IRS1: variants seen among roughly 807,000 people sequenced by gnomAD.
IRS1 encodes insulin receptor substrate 1.
IRS1 carries 34 observed loss-of-function variants against 65.6 expected under a neutral mutation model. That is an observed-to-expected ratio of 0.52 (90% CI 0.39 to 0.69). The LOEUF (loss-of-function observed/expected upper bound fraction) is 0.69, where lower values mean the gene tolerates loss of function less well. Ranked by LOEUF, IRS1 falls within the 30% of genes least tolerant of loss-of-function variation. The pLI is 0.00. For missense variants in IRS1, 1,641 were observed against 1,720.2 expected, an observed-to-expected ratio of 0.95 and a Z score of 0.81; for synonymous variants, 699 against 683.5, an observed-to-expected ratio of 1.02 and a Z score of -0.35.
Position 226,798,244 on chromosome 2 carries a change from T to C in IRS1, c.495A>G (p.Gln165=), listed in dbSNP as rs776753140. ...CCAGGCCCTTGGGCTTCAGGATCACTTGCCAGACCTCTTTGAATGCGGGTC... is the reference window on the plus strand; with the variant it reads ...CCAGGCCCTTGGGCTTCAGGATCACCTGCCAGACCTCTTTGAATGCGGGTC... ...PPGPAFKEVW[Q]VILKPKGLGQ... is the part of the protein sequence containing the mutation. The change falls in exon 1 of 2, where the codon CAA becomes CAG. Residue 165 remains glutamine (Q), a synonymous_variant. Coordinates refer to ENST00000305123, the MANE Select transcript of IRS1 (RefSeq NM_005544.3). The surrounding 1 kb of genome is among the most constrained non-coding windows in gnomAD (Gnocchi z 9.4). The C allele has an allele frequency of 6.2e-7, 1 of 1,613,626 alleles. No individual in the cohort carries two copies. The highest frequency in any genetic ancestry group is 2.2e-5 in the East Asian group (1 of 44,872).
chr2:226,760,647 G>A (rs1260458899), intron 1 of IRS1, among the ~76,000 whole-genome samples: 3 of 152,104 alleles, frequency 2.0e-5, no homozygotes, highest in Non-Finnish European at 4.4e-5. Flanking sequence ...ATGAACAAGT[G>A]CACAGCTGGT....
chr2:226,790,864 A>G (rs1408821504), intron 1 of IRS1, among the ~76,000 whole-genome samples: 1 of 152,188 alleles, frequency 6.6e-6, no homozygotes, highest in Non-Finnish European at 1.5e-5. Context: ...ACACAAATCT[A>G]GCAAGCTTTC....
At chr2:226,768,298 C>G (rs1465377691) in intron 1 of IRS1, among the ~76,000 whole-genome samples, 2 of 152,148 alleles carry the variant, frequency 1.3e-5, no homozygotes, top group African/African-American at 2.4e-5. Flanking sequence ...ATAAAAACTC[C>G]ACGAACACAG....
At chr2:226,751,014 A>G (rs1314948171) in intron 1 of IRS1, among the ~76,000 whole-genome samples, 1 of 152,170 alleles carries the variant, frequency 6.6e-6, no homozygotes, top group Non-Finnish European at 1.5e-5. Flanking sequence ...GAATACTAAG[A>G]GGGCTTAGTT....
chr2:226,752,843 A>T (rs1459182809), intron 1 of IRS1, among the ~76,000 whole-genome samples: 1 of 152,246 alleles, frequency 6.6e-6, no homozygotes, highest in Non-Finnish European at 1.5e-5. Flanking sequence ...CCCCAGCTCC[A>T]CTTACTGGCG....
intron 1 of IRS1, among the ~76,000 whole-genome samples, chr2:226,772,416 C>T (rs1037044218): frequency 1.3e-5 from 2 of 152,168 alleles, no homozygotes; most frequent in African/African-American, 4.8e-5. Context: ...ATAAAATTCA[C>T]ATCTCCTCTT....
At chr2:226,789,387 T>C (rs1389499468) in intron 1 of IRS1, among the ~76,000 whole-genome samples, 1 of 152,196 alleles carries the variant, frequency 6.6e-6, no homozygotes, top group African/African-American at 2.4e-5. Context: ...CTCAACTAAC[T>C]AATCAAAAAC....
chr2:226,789,941 T>C (rs1939558045), intron 1 of IRS1, among the ~76,000 whole-genome samples: 1 of 152,132 alleles, frequency 6.6e-6, no homozygotes, highest in South Asian at 2.1e-4. Context: ...TCAAACAATG[T>C]TTTCCTTCCA....
chr2:226,790,881 G>GATGTGCCCAGCCTAAA (rs1467958835), intron 1 of IRS1, among the ~76,000 whole-genome samples: 1 of 152,002 alleles, frequency 6.6e-6, no homozygotes, highest in Non-Finnish European at 1.5e-5. Context: ...TTTCAAAATC[G>GATGTGCCCAGCCTAAA]ATGTGCCCAG....
chr2:226,770,823 C>T (rs560204205), intron 1 of IRS1, among the ~76,000 whole-genome samples: 1 of 152,280 alleles, frequency 6.6e-6, no homozygotes, highest in East Asian at 1.9e-4. Flanking sequence ...CTGTATGGTC[C>T]TGAGTCTATT....
chr2:226,745,532 T>C (rs1190479340), intron 1 of IRS1, among the ~76,000 whole-genome samples: 1 of 152,190 alleles, frequency 6.6e-6, no homozygotes, highest in Non-Finnish European at 1.5e-5. Flanking sequence ...TCAGTGTTCT[T>C]TTCTCTGTGA....
At chr2:226,753,889 G>C (rs1478331195) in intron 1 of IRS1, among the ~76,000 whole-genome samples, 3 of 152,158 alleles carry the variant, frequency 2.0e-5, no homozygotes, top group Non-Finnish European at 4.4e-5. Flanking sequence ...GTCTTGCTCT[G>C]TCACCCAGGC....
At chr2:226,742,622 C>T (rs1382667893) in intron 1 of IRS1, among the ~76,000 whole-genome samples, 1 of 151,788 alleles carries the variant, frequency 6.6e-6, no homozygotes, top group Non-Finnish European at 1.5e-5. Context: ...GAGGCCATCT[C>T]GCTCCAGTTC....
chr2:226,783,254 C>T (rs749591114), intron 1 of IRS1, among the ~76,000 whole-genome samples: 5 of 152,160 alleles, frequency 3.3e-5, no homozygotes, highest in African/African-American at 7.2e-5. Flanking sequence ...GCACTTGGCC[C>T]ACAAAGCATG....
In IRS1 at chr2:226,796,172, G is replaced by A. The variant is rs1471247123; in HGVS notation, c.2567C>T (p.Ala856Val). The A allele has an allele frequency of 1.2e-6, 2 of 1,613,736 alleles. No homozygotes were observed. Among genetic ancestry groups the A allele is most frequent in the Admixed American group, 3.3e-5 (2 of 60,026 alleles). ...CCCCAGGGACAGCCTCGTGGGCCGG[G>A]CCAGGCGGCTATTGGTCTGAGCAGC... ...DTAAQTNSRL[A>V]RPTRLSLGDP... The change falls in exon 1 of 2, where the codon GCC (alanine) becomes GTC (valine). Residue 856 changes from alanine (A) to valine (V), a missense_variant. This residue lies in a region of IRS1 where 1,324 missense variants were observed against 1,361.0 expected (regional missense o/e 0.97). Transcript: ENST00000305123.
In IRS1 at chr2:226,797,001, G is replaced by T; in HGVS notation, c.1738C>A (p.Arg580Ser). 1.5e-5 allele frequency: 24 copies of T among 1,599,292 alleles called. No individual in the cohort carries two copies. The highest frequency in any genetic ancestry group is 1.9e-5 in the Non-Finnish European group (22 of 1,170,682). ...TCCAGACCCTCCTCTGGGTAGGAGCGGGTGGGCACGAAGGCGGAGTGCCTG... is the reference window on the plus strand; with the variant it reads ...TCCAGACCCTCCTCTGGGTAGGAGCTGGTGGGCACGAAGGCGGAGTGCCTG... ...GHRHSAFVPT[R>S]SYPEEGLEMH... The change falls in exon 1 of 2, where the codon CGC becomes AGC. Residue 580 changes from arginine to serine, a missense_variant. Around this residue, in one of 3 missense-constraint regions of IRS1, gnomAD observed 1,324 missense variants for 1,361.0 expected, o/e 0.97. Transcript: ENST00000305123. This position sits in a 1 kb window ranked among gnomAD's most constrained non-coding sequence, Gnocchi z 8.1.
chr2:226,793,300 C>A (rs1338612466), intron 1 of IRS1, among the ~76,000 whole-genome samples: 1 of 152,164 alleles, frequency 6.6e-6, no homozygotes, highest in Non-Finnish European at 1.5e-5. Flanking sequence ...GGCTGGTTTT[C>A]TTCAAATTCT....
At chr2:226,756,925 G>T (rs1286556025) in intron 1 of IRS1, among the ~76,000 whole-genome samples, 1 of 151,758 alleles carries the variant, frequency 6.6e-6, no homozygotes, top group Non-Finnish European at 1.5e-5. Context: ...TCACGCCACT[G>T]CACTCCAGCC....
Position 226,795,755 on chromosome 2 carries a change from C to A in IRS1, c.2984G>T (p.Ser995Ile), listed in dbSNP as rs1939705779. 1 of 1,613,414 alleles carries A rather than the reference C, an allele frequency of 6.2e-7. No individual in the cohort carries two copies. The highest frequency in any genetic ancestry group is 1.3e-5 in the African/African-American group (1 of 75,074). The change falls in exon 1 of 2, where the codon AGT becomes ATT. Residue 995 changes from serine (S) to isoleucine (I), a missense_variant. Transcript: ENST00000305123. ...GTCCACGTAGCTCTGACGGGGACAA[C>A]TCATCTGCATGGTCATGTAGTCACC... The part of the protein sequence containing the change: ...SRGDYMTMQM[S>I]CPRQSYVDTS...
Sources: gnomAD v4.1 joint callset for allele counts (sites outside exome capture counted in the v4.1 genomes callset) on GRCh38, gnomAD v4.1.1 for gene constraint, gnomAD v4.1.1 regional missense constraint, Gnocchi (gnomAD v3.1) non-coding constraint, MANE v1.5 for transcripts, NCBI Gene and HGNC (gene_info 2026-07-23, HGNC 2026-07-21) for gene names.